Variants in DISC1 observed in about 807,000 individuals in gnomAD.
DISC1 encodes the protein DISC1 scaffold protein.
DISC1 carries 57 observed loss-of-function variants against 84.5 expected under a neutral mutation model. The observed-to-expected ratio is 0.67, with a 90% CI of 0.55 to 0.84. DISC1 has a LOEUF of 0.84. Ranked by LOEUF, DISC1 falls within the 40% of genes least tolerant of loss-of-function variation. The pLI, the probability that DISC1 is intolerant of heterozygous loss-of-function variation, is 0.00. For missense variants in DISC1, 1,000 were observed against 1,057.8 expected (o/e 0.95, Z 0.76); for synonymous variants, 411 against 415.2 (o/e 0.99, Z 0.12).
At chr1:231,847,577 C>T (rs1008106279) in intron 9 of DISC1, among the ~76,000 whole-genome samples, 19 of 152,208 alleles carry the variant, frequency 1.2e-4, no homozygotes, top group East Asian at 9.6e-4. Flanking sequence ...TCACCGGACC[C>T]TTCTCCGTCC....
At chr1:231,755,104 A>G (rs1224879737) in intron 4 of DISC1, among the ~76,000 whole-genome samples, 1 of 151,628 alleles carries the variant, frequency 6.6e-6, no homozygotes, top group African/African-American at 2.4e-5. Context: ...CATTCTTAAA[A>G]CTCCCATTTC....
chr1:231,741,501 C>CA (rs1164184849), intron 3 of DISC1, among the ~76,000 whole-genome samples: 4 of 152,154 alleles, frequency 2.6e-5, no homozygotes, highest in African/African-American at 9.7e-5. Context: ...GGCAGCATCC[C>CA]AGGTGCAGGT....
intron 9 of DISC1, among the ~76,000 whole-genome samples, chr1:231,894,208 G>T (rs2087486524): frequency 2.6e-5 from 4 of 152,140 alleles, no homozygotes. Context: ...ACATATGAAT[G>T]TCTAATTTGT....
chr1:231,913,392 C>T (rs1173543593), intron 9 of DISC1, among the ~76,000 whole-genome samples: 3 of 152,212 alleles, frequency 2.0e-5, no homozygotes, highest in Admixed American at 1.3e-4. Context: ...TTGGGACTAG[C>T]TAGCCTGTAT....
chr1:231,747,334 A>T (rs2125307625), intron 3 of DISC1, among the ~76,000 whole-genome samples: 1 of 152,230 alleles, frequency 6.6e-6, no homozygotes, highest in East Asian at 1.9e-4. Context: ...TTATTCATAA[A>T]ATGTTTTCCC....
intron 1 of DISC1, among the ~76,000 whole-genome samples, chr1:231,659,336 A>T (rs2061394075): frequency 6.6e-6 from 1 of 151,762 alleles, no homozygotes; most frequent in Non-Finnish European, 1.5e-5. Context: ...ATCTCCCTTA[A>T]CATTTTCTAT....
chr1:231,713,272 G>A (rs1003303305), intron 3 of DISC1, among the ~76,000 whole-genome samples: 4 of 152,066 alleles, frequency 2.6e-5, no homozygotes, highest in African/African-American at 9.7e-5. Flanking sequence ...AGAACACATG[G>A]CCCATTCAAA....
chr1:232,034,393 C>G (rs906783400), intron 12 of DISC1, among the ~76,000 whole-genome samples: 23 of 152,300 alleles, frequency 1.5e-4, no homozygotes, highest in African/African-American at 5.5e-4. Context: ...GATTGATTTG[C>G]TGAGCTTACC....
intron 9 of DISC1, among the ~76,000 whole-genome samples, chr1:231,845,952 C>T (rs1302760433): frequency 4.6e-5 from 7 of 151,710 alleles, no homozygotes; most frequent in African/African-American, 1.7e-4. Context: ...CGGCAGGGCT[C>T]GGGGTGGGGA....
chr1:231,636,253 T>C (rs1046979354), intron 1 of DISC1, among the ~76,000 whole-genome samples: 3 of 152,242 alleles, frequency 2.0e-5, no homozygotes, highest in Non-Finnish European at 2.9e-5. Flanking sequence ...TTGCTTACTT[T>C]CACCCACATT....
intron 1 of DISC1, among the ~76,000 whole-genome samples, chr1:231,663,106 C>T (rs2061697605): frequency 6.6e-6 from 1 of 151,190 alleles, no homozygotes; most frequent in South Asian, 2.1e-4. Flanking sequence ...CACTTTAGAT[C>T]TAAAGGTTGA....
intron 3 of DISC1, among the ~76,000 whole-genome samples, chr1:231,707,858 C>G (rs966941434): frequency 2.0e-5 from 3 of 152,104 alleles, no homozygotes; most frequent in African/African-American, 7.2e-5. Context: ...GTCTAAATCC[C>G]TAAAGTCTAA....
intron 10 of DISC1, among the ~76,000 whole-genome samples, chr1:231,995,465 T>C (rs926826283): frequency 3.4e-4 from 51 of 152,122 alleles, no homozygotes; most frequent in African/African-American, 1.2e-3. Flanking sequence ...GCATTAGGTA[T>C]ATCTCCTAAT....
At position 232,031,357 on chromosome 1, in the gene DISC1, A is replaced by AAGGGAAGGGAG. The variant is rs367594141; in HGVS notation, c.2425+4812_2425+4822dup. Among the ~76,000 whole-genome samples the AAGGGAAGGGAG allele has an allele frequency of 7.3e-5, 11 of 150,668 alleles. No homozygotes were observed. The highest frequency in any genetic ancestry group is 2.7e-4 in the African/African-American group (11 of 40,992). ...AAAAGGAAAAGAGGAAAGAAAAGGAAAGGGAAGGGAGAGGGAAAGGAGAAG... is the reference window on the plus strand; with the variant it reads ...AAAAGGAAAAGAGGAAAGAAAAGGAAAGGGAAGGGAGAGGGAAGGGAGAGGGAAAGGAGAAG... On this transcript the variant is annotated intron_variant, in intron 12 of 12. Transcript: ENST00000439617. This position sits in a 1 kb window ranked among gnomAD's most constrained non-coding sequence, Gnocchi z 4.6.
chr1:231,719,721 G>GT (rs1190168790), intron 3 of DISC1, among the ~76,000 whole-genome samples: 1 of 152,040 alleles, frequency 6.6e-6, no homozygotes, highest in Non-Finnish European at 1.5e-5. Flanking sequence ...ATCTCTTTGT[G>GT]TTTTTTTGTT....
At chr1:231,742,119 CCT>C (rs2073360183) in intron 3 of DISC1, among the ~76,000 whole-genome samples, 1 of 152,156 alleles carries the variant, frequency 6.6e-6, no homozygotes, top group Non-Finnish European at 1.5e-5. Context: ...ACTCTCATAC[CCT>C]CTCTCCCTCA....
chr1:231,914,769 C>T (rs1409848686), intron 9 of DISC1, among the ~76,000 whole-genome samples: 1 of 152,220 alleles, frequency 6.6e-6, no homozygotes, highest in Non-Finnish European at 1.5e-5. Flanking sequence ...ACAGCTTGCA[C>T]TGTAAGTCCA....
At chr1:231,729,953 T>C (rs1558438603) in intron 3 of DISC1, among the ~76,000 whole-genome samples, 1 of 152,196 alleles carries the variant, frequency 6.6e-6, no homozygotes, top group African/African-American at 2.4e-5. Context: ...CCTCTGATAC[T>C]CTGAATTCTA....
intron 9 of DISC1, among the ~76,000 whole-genome samples, chr1:231,827,810 G>A (rs1041894076): frequency 5.9e-5 from 9 of 152,104 alleles, no homozygotes; most frequent in African/African-American, 2.2e-4. Flanking sequence ...TCACTGTAGG[G>A]GTGGACAACC....
Sources: gnomAD v4.1 joint callset for allele counts (sites outside exome capture counted in the v4.1 genomes callset) on GRCh38, gnomAD v4.1.1 for gene constraint, Gnocchi (gnomAD v3.1) non-coding constraint, MANE v1.5 for transcripts, NCBI Gene and HGNC (gene_info 2026-07-23, HGNC 2026-07-21) for gene names.